Variants in VAMP5 observed in about 807,000 individuals in gnomAD.
VAMP5 encodes the protein vesicle-associated membrane protein 5.
In VAMP5, 10 loss-of-function variants were observed where a neutral mutation model predicts 8.1. The ratio of observed to expected loss-of-function variants is 1.23; its 90% CI spans 0.76 to 2.09. The LOEUF (loss-of-function observed/expected upper bound fraction) is 2.09, where lower values mean the gene tolerates loss of function less well. Ranked by LOEUF, VAMP5 falls within the 30% of genes most tolerant of loss-of-function variation. VAMP5 has a pLI of 0.00. For missense variants in VAMP5, 135 were observed against 152.5 expected (o/e 0.89, Z 0.60); for synonymous variants, 62 against 60.6 (o/e 1.02, Z -0.11).
rs145698319 is a variant in VAMP5, at chr2:85,589,416, C to A, written c.4-2309C>A. Among the ~76,000 whole-genome samples the A allele has an allele frequency of 1.3e-3, 204 of 152,300 alleles. 1 individual carries two copies. The highest frequency in any genetic ancestry group is 4.7e-3 in the African/African-American group (196 of 41,564). ...GGCCTGGGTCCATCTTGGCTCCAGG[C>A]AGGCCTGGCTTCGCATTGGGGGAGA... On this transcript the variant is annotated intron_variant, in intron 1 of 2. Transcript: ENST00000306384.
At chr2:85,587,443 A>G (rs958023274) in intron 1 of VAMP5, among the ~76,000 whole-genome samples, 1 of 151,892 alleles carries the variant, frequency 6.6e-6, no homozygotes, top group African/African-American at 2.4e-5. Flanking sequence ...TAGTAGAGAC[A>G]GGGCTTCACC....
chr2:85,591,037 C>T (rs906401741), intron 1 of VAMP5, among the ~76,000 whole-genome samples: 1 of 152,188 alleles, frequency 6.6e-6, no homozygotes, highest in African/African-American at 2.4e-5. Context: ...CCAGTGAGGA[C>T]CCCAGCTGAG....
chr2:85,584,611 G>A, intron 1 of VAMP5, 118 bp downstream of exon 1: 1 of 1,177,968 alleles, frequency 8.5e-7, no homozygotes, highest in Non-Finnish European at 1.1e-6. Context: ...ACGAGGGCCA[G>A]ACCTGAGGCG....
At chr2:85,589,982 G>C (rs1292548204) in intron 1 of VAMP5, among the ~76,000 whole-genome samples, 1 of 152,122 alleles carries the variant, frequency 6.6e-6, no homozygotes, top group Non-Finnish European at 1.5e-5. Flanking sequence ...TGAATGTGGG[G>C]AAGTTCAAAG....
intron 2 of VAMP5, among the ~76,000 whole-genome samples, chr2:85,592,691 C>T (rs1183238650): frequency 3.3e-5 from 5 of 151,514 alleles, no homozygotes; most frequent in Non-Finnish European, 7.4e-5. Flanking sequence ...GTCCCAGCTA[C>T]TAGGGAGGCT....
intron 1 of VAMP5, among the ~76,000 whole-genome samples, chr2:85,589,435 G>A (rs1672509024): frequency 6.6e-6 from 1 of 152,126 alleles, no homozygotes. Flanking sequence ...CTTCGCATTG[G>A]GGGAGACTGG....
At chr2:85,591,565 C>T (rs1167212499) in intron 1 of VAMP5, 160 bp from the exon 2 acceptor site, 2 of 1,123,268 alleles carry the variant, frequency 1.8e-6, no homozygotes, top group Non-Finnish European at 2.5e-6. Context: ...ACCCCGAAGG[C>T]CAGACCTTCA....
At chr2:85,590,778 G>A (rs1331761488) in intron 1 of VAMP5, among the ~76,000 whole-genome samples, 1 of 152,148 alleles carries the variant, frequency 6.6e-6, no homozygotes, top group African/African-American at 2.4e-5. Flanking sequence ...AAATGTCCCT[G>A]CTCCTAGGCT....
chr2:85,589,584 T>C (rs1420603766), intron 1 of VAMP5, among the ~76,000 whole-genome samples: 2 of 152,256 alleles, frequency 1.3e-5, no homozygotes, highest in Non-Finnish European at 2.9e-5. Context: ...TTTCCCAGTC[T>C]CTAGCAGTGA....
rs1271302037 is a variant in VAMP5 at position 85,584,436 on chromosome 2, G to A, written c.-55G>A. 8.0e-6 allele frequency: 10 copies of A among 1,242,500 alleles called. No homozygotes were observed. Among genetic ancestry groups the A allele is most frequent in the East Asian group, 3.2e-5 (1 of 31,724 alleles). The allele number at this position is 1,242,500 out of a possible 1,614,324, so 77.0% of individuals were successfully genotyped here. On this transcript the variant is annotated 5_prime_UTR_variant, in exon 1 of 3. Transcript: ENST00000306384. ...CTTCCTCCGGGGCCGCTGGCACTGCGGCCGCTCCGCAGGCAGAGAAGCCGG... is the reference window on the plus strand; with the variant it reads ...CTTCCTCCGGGGCCGCTGGCACTGCAGCCGCTCCGCAGGCAGAGAAGCCGG...
intron 1 of VAMP5, 62 bp downstream of exon 1, chr2:85,584,555 G>A: frequency 8.1e-7 from 1 of 1,232,576 alleles, no homozygotes; most frequent in Non-Finnish European, 1.0e-6. Flanking sequence ...GCGAGGGTGG[G>A]AGAGAGGAGT....
chr2:85,590,737 G>C (rs1672527302), intron 1 of VAMP5, among the ~76,000 whole-genome samples: 2 of 152,182 alleles, frequency 1.3e-5, no homozygotes, highest in South Asian at 4.1e-4. Flanking sequence ...AGTTTCTGTG[G>C]TTTGCTAATC....
intron 1 of VAMP5, among the ~76,000 whole-genome samples, chr2:85,585,567 G>T (rs1008407803): frequency 6.6e-6 from 1 of 152,242 alleles, no homozygotes; most frequent in Non-Finnish European, 1.5e-5. Context: ...TTAAGGGTGT[G>T]CAGGGCAAGG....
At chr2:85,585,530 G>A (rs1672449336) in intron 1 of VAMP5, among the ~76,000 whole-genome samples, 1 of 152,238 alleles carries the variant, frequency 6.6e-6, no homozygotes, top group African/African-American at 2.4e-5. Flanking sequence ...GGAAGGCTCT[G>A]AGAATAGGGC....
At chr2:85,584,602 C>T in intron 1 of VAMP5, 109 bp downstream of exon 1, 3 of 1,197,558 alleles carry the variant, frequency 2.5e-6, no homozygotes, top group South Asian at 4.2e-5. Flanking sequence ...CTGGGGCCCA[C>T]GAGGGCCAGA....
intron 1 of VAMP5, 77 bp downstream of exon 1, chr2:85,584,570 A>G: frequency 8.1e-7 from 1 of 1,231,218 alleles, no homozygotes; most frequent in South Asian, 4.1e-5. Context: ...AGGAGTCCAA[A>G]GTCCGCGGGC....
chr2:85,586,001 T>C (rs1338346514), intron 1 of VAMP5, among the ~76,000 whole-genome samples: 18 of 152,178 alleles, frequency 1.2e-4, no homozygotes, highest in Admixed American at 1.2e-3. Context: ...AATGAATAAT[T>C]ACTTGAATTC....
chr2:85,590,883 C>T (rs1172558240), intron 1 of VAMP5, among the ~76,000 whole-genome samples: 1 of 152,238 alleles, frequency 6.6e-6, no homozygotes, highest in Non-Finnish European at 1.5e-5. Context: ...GACTTTCTCT[C>T]TCCCCTGTCA....
chr2:85,593,004 C>A lies in VAMP5; in HGVS notation c.198C>A (p.Asn66Lys). 1 of 1,614,156 alleles carries A rather than the reference C, an allele frequency of 6.2e-7. No individual in the cohort carries two copies. Among genetic ancestry groups the A allele is most frequent in the South Asian group, 1.1e-5 (1 of 91,084 alleles). Reference sequence around the variant, plus strand: ...TGGCCCAGAAGAAGTGCTGGGAGAACATCCGTTACCGGATCTGCGTGGGGC... The same window carrying A: ...TGGCCCAGAAGAAGTGCTGGGAGAAAATCCGTTACCGGATCTGCGTGGGGC... ...QNLAQKKCWE[N>K]IRYRICVGLV... Residue 66 changes from asparagine to lysine, a missense_variant, in exon 3 of 3, where the codon AAC (asparagine) becomes AAA (lysine). Asn to Lys is a moderately conservative substitution (Grantham distance 94). Coordinates refer to ENST00000306384, the MANE Select transcript of VAMP5 (RefSeq NM_006634.3).
Sources: allele counts gnomAD v4.1 joint callset (sites outside exome capture counted in the v4.1 genomes callset), GRCh38; gene constraint gnomAD v4.1.1; transcripts MANE v1.5; gene names NCBI Gene and HGNC (gene_info 2026-07-23, HGNC 2026-07-21).